Variants in ANO10 observed in about 807,000 individuals in gnomAD.
The protein encoded by ANO10 is anoctamin-10.
A neutral mutation model predicts 74.7 loss-of-function variants in ANO10; 77 were observed. The observed-to-expected ratio is 1.03, with a 90% confidence interval of 0.86 to 1.25. ANO10 has a LOEUF of 1.25. ANO10 is among the 50% of genes most tolerant of loss of function. ANO10 has a pLI of 0.00. For synonymous variants in ANO10, 279 were observed against 284.9 expected, an observed-to-expected ratio of 0.98 and a Z score of 0.21; for missense variants, 721 against 778.1, an observed-to-expected ratio of 0.93 and a Z score of 0.87.
chr3:43,428,000 G>GA (rs902583232), intron 12 of ANO10, among the ~76,000 whole-genome samples: 28 of 152,162 alleles, frequency 1.8e-4, no homozygotes, highest in African/African-American at 6.0e-4. Context: ...GTCAGCAAAA[G>GA]AGAGTGAGAG....
intron 1 of ANO10, among the ~76,000 whole-genome samples, chr3:43,664,922 T>G (rs1368749684): frequency 6.7e-6 from 1 of 149,058 alleles, no homozygotes. Flanking sequence ...GCTTTTACAC[T>G]GTTGGGAGTG....
chr3:43,568,003 TG>T (rs1026858777), intron 7 of ANO10, among the ~76,000 whole-genome samples: 1 of 151,210 alleles, frequency 6.6e-6, no homozygotes, highest in African/African-American at 2.4e-5. Flanking sequence ...ACCAAGCCAA[TG>T]GAAAACAAAA....
intron 11 of ANO10, among the ~76,000 whole-genome samples, chr3:43,504,644 T>C (rs565579587): frequency 6.6e-6 from 1 of 151,856 alleles, no homozygotes; most frequent in Non-Finnish European, 1.5e-5. Flanking sequence ...AAATAATTAT[T>C]TATTTATTTT....
intron 1 of ANO10, among the ~76,000 whole-genome samples, chr3:43,614,036 A>C (rs2082964092): frequency 6.6e-6 from 1 of 152,170 alleles, no homozygotes; most frequent in Non-Finnish European, 1.5e-5. Flanking sequence ...CCAATCTTGG[A>C]TATGGGAAGA....
At chr3:43,397,915 C>T (rs909434140) in intron 12 of ANO10, among the ~76,000 whole-genome samples, 4 of 152,196 alleles carry the variant, frequency 2.6e-5, no homozygotes, top group East Asian at 1.9e-4. Flanking sequence ...CATTGATTCA[C>T]GTATTTTGTC....
At chr3:43,547,031 A>G (rs2079225337) in intron 11 of ANO10, among the ~76,000 whole-genome samples, 1 of 152,212 alleles carries the variant, frequency 6.6e-6, no homozygotes, top group African/African-American at 2.4e-5. Flanking sequence ...CAGGGAAAAA[A>G]ATCTTAAAAG....
At chr3:43,657,484 T>C (rs1157295460) in intron 1 of ANO10, among the ~76,000 whole-genome samples, 1 of 152,224 alleles carries the variant, frequency 6.6e-6, no homozygotes, top group Non-Finnish European at 1.5e-5. Context: ...CTTTAAATCG[T>C]TGGATTGCAT....
intron 11 of ANO10, 130 bp from the exon 12 acceptor site, chr3:43,432,857 G>A: frequency 6.9e-6 from 4 of 583,868 alleles, no homozygotes; most frequent in Non-Finnish European, 1.2e-5. Context: ...GGCCTGTGAA[G>A]TATCAAAGAC....
intron 11 of ANO10, among the ~76,000 whole-genome samples, chr3:43,436,921 T>A (rs2093076997): frequency 6.6e-6 from 1 of 152,176 alleles, no homozygotes; most frequent in Admixed American, 6.5e-5. Context: ...CAGATCTGAT[T>A]CCTACAATGG....
At chr3:43,632,946 C>A (rs977801244) in intron 1 of ANO10, among the ~76,000 whole-genome samples, 1 of 152,150 alleles carries the variant, frequency 6.6e-6, no homozygotes, top group Non-Finnish European at 1.5e-5. Flanking sequence ...ATAAAAAATT[C>A]TATTTAAATA....
chr3:43,658,493 G>A (rs1412442590), intron 1 of ANO10, among the ~76,000 whole-genome samples: 2 of 151,614 alleles, frequency 1.3e-5, no homozygotes, highest in Non-Finnish European at 2.9e-5. Context: ...TTTTTGAGAT[G>A]GAGTCTCGCA....
chr3:43,416,392 C>A (rs571184871), intron 12 of ANO10, among the ~76,000 whole-genome samples: 1 of 152,260 alleles, frequency 6.6e-6, no homozygotes, highest in East Asian at 1.9e-4. Flanking sequence ...CAGATAGTAA[C>A]TGCCTTGTAG....
intron 11 of ANO10, among the ~76,000 whole-genome samples, chr3:43,470,891 T>G (rs1181055748): frequency 6.6e-6 from 1 of 152,084 alleles, no homozygotes; most frequent in African/African-American, 2.4e-5. Flanking sequence ...ATTCCCAAAG[T>G]GCTGGGATTA....
At chr3:43,626,623 G>T (rs191349501), upstream of ANO10, among the ~76,000 whole-genome samples, 7 of 152,192 alleles carry the variant, frequency 4.6e-5, no homozygotes, top group East Asian at 1.4e-3. Flanking sequence ...TTTAAAATTT[G>T]ACCAATCAGG....
rs548361370 is a variant in ANO10 at position 43,620,239 on chromosome 3, A to C, written c.-12+1670T>G. Among the ~76,000 whole-genome samples, 3 of 152,344 alleles carry C rather than the reference A, an allele frequency of 2.0e-5. No homozygotes were observed. In the South Asian group the frequency reaches 6.2e-4, roughly 32 times the overall value. On this transcript the variant is annotated intron_variant, in intron 1 of 12. Transcript: ENST00000292246. ...TATACAAGCATTTTCAAAGATGTTT[A>C]AGAAGAATTTGATCCACAAAAATGC... is the stretch of plus-strand genomic sequence containing the variant.
chr3:43,525,130 G>T (rs1031126871), intron 11 of ANO10, among the ~76,000 whole-genome samples: 1 of 152,058 alleles, frequency 6.6e-6, no homozygotes, highest in Non-Finnish European at 1.5e-5. Context: ...ACTGCCCAGG[G>T]CTCTTAAGTG....
At chr3:43,471,393 A>G (rs576755882) in intron 11 of ANO10, among the ~76,000 whole-genome samples, 27 of 152,330 alleles carry the variant, frequency 1.8e-4, no homozygotes, top group Non-Finnish European at 3.4e-4. Context: ...TTGCAAGTCT[A>G]GATTTTCTAT....
chr3:43,444,595 T>C (rs778233720), intron 11 of ANO10, among the ~76,000 whole-genome samples: 30 of 152,182 alleles, frequency 2.0e-4, no homozygotes, highest in Non-Finnish European at 3.4e-4. Context: ...AGAATTTAAG[T>C]CACAATAGAG....
At chr3:43,663,650 TCAGCC>T (rs565795535) in intron 1 of ANO10, among the ~76,000 whole-genome samples, 49 of 152,288 alleles carry the variant, frequency 3.2e-4, no homozygotes, top group African/African-American at 1.2e-3. Flanking sequence ...CCCCATCATC[TCAGCC>T]CAAAATCTCC....
Sources: allele counts gnomAD v4.1 joint callset (sites outside exome capture counted in the v4.1 genomes callset), GRCh38; gene constraint gnomAD v4.1.1; transcripts MANE v1.5; gene names NCBI Gene and HGNC (gene_info 2026-07-23, HGNC 2026-07-21).